The following STX3 variants were observed in gnomAD, a reference collection of about 807,000 sequenced individuals.
The protein encoded by STX3 is syntaxin-3.
Under a neutral mutation model 40.2 loss-of-function variants are expected in STX3, and 19 were observed. The observed-to-expected ratio is 0.47, with a 90% CI of 0.33 to 0.69. STX3 has a LOEUF of 0.69. Ranked by LOEUF, STX3 falls within the 30% of genes least tolerant of loss-of-function variation. The probability of loss-of-function intolerance (pLI) is 0.02; values close to 1 mark genes in which losing one functional copy is unlikely to be tolerated. For missense variants in STX3, 364 were observed against 366.7 expected, an observed-to-expected ratio of 0.99 and a Z score of 0.06; for synonymous variants, 122 against 132.2, an observed-to-expected ratio of 0.92 and a Z score of 0.53.
chr11:59,802,163 A>G lies in STX3; in HGVS notation c.*1339A>G. 1.0e-6 allele frequency: 1 copy of G among 985,464 alleles called. No individual in the cohort carries two copies. Among genetic ancestry groups the G allele is most frequent in the Non-Finnish European group, 1.2e-6 (1 of 829,956 alleles). 61.0% of individuals were successfully genotyped at this position (985,464 alleles called of 1,614,324 possible). ...AGTCAGTTGGGGAACACCAGAGGCTACACAGTAGCTCTTCCTGCTACTCGG... is the reference window on the plus strand; with the variant it reads ...AGTCAGTTGGGGAACACCAGAGGCTGCACAGTAGCTCTTCCTGCTACTCGG... On this transcript the variant is annotated 3_prime_UTR_variant, in exon 11 of 11. Transcript: ENST00000337979.
chr11:59,770,301 G>T (rs939267947), intron 1 of STX3, among the ~76,000 whole-genome samples: 2 of 149,550 alleles, frequency 1.3e-5, no homozygotes, highest in Non-Finnish European at 3.0e-5. Flanking sequence ...ATGTGTGTAG[G>T]GTGTGTGTTT....
chr11:59,771,400 A>ACCCCCCCCCCCCCCCCCC (rs1565168425), intron 1 of STX3, among the ~76,000 whole-genome samples: 1 of 42,214 alleles, frequency 2.4e-5, no homozygotes, highest in Non-Finnish European at 4.6e-5. Flanking sequence ...CCGTCCCCCC[A>ACCCCCCCCCCCCCCCCCC]CCTCCCCCCC....
At chr11:59,785,712 G>T (rs1864717381) in intron 2 of STX3, among the ~76,000 whole-genome samples, 2 of 152,214 alleles carry the variant, frequency 1.3e-5, no homozygotes, top group Admixed American at 6.5e-5. Flanking sequence ...AGGGATGCTG[G>T]AAGCTGCATA....
chr11:59,793,372 T>G lies in STX3; in HGVS notation c.541-8T>G, dbSNP rs1865321025. 6.2e-7 allele frequency: 1 copy of G among 1,612,604 alleles called. No individual in the cohort carries two copies. The highest frequency in any genetic ancestry group is 1.1e-5 in the South Asian group (1 of 91,004). ...GGTAGCTAACAGTCTGTGTGTGGCC[T>G]GTTGTAGATCATTGACTCACAGATT... On this transcript the variant is annotated splice_polypyrimidine_tract_variant and splice_region_variant and intron_variant, in intron 7 of 10. Coordinates refer to ENST00000337979, the MANE Select transcript of STX3 (RefSeq NM_004177.5).
intron 1 of STX3, among the ~76,000 whole-genome samples, chr11:59,759,861 A>G (rs1283332148): frequency 6.6e-6 from 1 of 152,218 alleles, no homozygotes; most frequent in Non-Finnish European, 1.5e-5. Flanking sequence ...CTTCTCCTTT[A>G]AAGCTTAATT....
At chr11:59,791,978 C>T in intron 5 of STX3, 129 bp from the exon 6 acceptor site, 1 of 759,136 alleles carries the variant, frequency 1.3e-6, no homozygotes. Context: ...AAACAAAAAA[C>T]TTGGTTTGAC....
At position 59,755,625 on chromosome 11, in the gene STX3, A is replaced by C; in HGVS notation, c.20A>C (p.Gln7Pro). The C allele has an allele frequency of 5.0e-6, 8 of 1,594,734 alleles. No individual in the cohort carries two copies. The highest frequency in any genetic ancestry group is 6.8e-6 in the Non-Finnish European group (8 of 1,176,484). ...TTCAGGATGAAGGACCGTCTGGAGCAGCTGAAGGCCGTGAGTTTCGCCGCA... is the reference window on the plus strand; with the variant it reads ...TTCAGGATGAAGGACCGTCTGGAGCCGCTGAAGGCCGTGAGTTTCGCCGCA... MKDRLE[Q>P]LKAKQLTQDD... Residue 7 changes from glutamine (Q) to proline (P), a missense_variant, in exon 1 of 11, where the codon CAG becomes CCG. Gln to Pro is a moderately conservative substitution (Grantham distance 76). Transcript: ENST00000337979.
upstream of STX3, chr11:59,755,109 G>A (rs968128665): frequency 6.5e-6 from 1 of 153,256 alleles, no homozygotes; most frequent in East Asian, 1.9e-4. Flanking sequence ...TCCTAGCGAG[G>A]AGCCCGGCAC....
At position 59,773,252 on chromosome 11, in the gene STX3, T is replaced by A. The variant is rs772028667; in HGVS notation, c.72T>A (p.Ile24=). ...ATGATGATACTGATGCGGTTGAGAT[T>A]GCTATCGACAACACGGCTTTTATGG... The part of the protein sequence containing the change: ...TQDDDTDAVE[I]AIDNTAFMDE... Residue 24 remains isoleucine, a synonymous_variant, in exon 2 of 11, where the codon ATT becomes ATA. Transcript: ENST00000337979. 1.2e-6 allele frequency: 2 copies of A among 1,614,194 alleles called. No homozygotes were observed. The highest frequency in any genetic ancestry group is 1.7e-6 in the Non-Finnish European group (2 of 1,180,024).
At chr11:59,762,090 G>A (rs1345450630) in intron 1 of STX3, among the ~76,000 whole-genome samples, 3 of 152,152 alleles carry the variant, frequency 2.0e-5, no homozygotes, top group South Asian at 2.1e-4. Flanking sequence ...CATTGCATTC[G>A]GTTGTCACAT....
At chr11:59,794,612 G>A (rs1051936602) in intron 8 of STX3, among the ~76,000 whole-genome samples, 2 of 152,202 alleles carry the variant, frequency 1.3e-5, no homozygotes, top group African/African-American at 2.4e-5. Context: ...TCAAGTGGTG[G>A]TAAGTGCCTT....
rs1241643494 is a variant in STX3, at chr11:59,792,955, TA to T, written c.467-142del. 8.3e-6 allele frequency: 6 copies of T among 722,866 alleles called. No individual in the cohort carries two copies. In the Admixed American group the frequency reaches 1.1e-4, roughly 14 times the overall value. The allele number at this position is 722,866 out of a possible 1,614,324, so 44.8% of individuals were successfully genotyped here. A position where few individuals can be genotyped will look rare whatever the true frequency, so the allele number is the denominator to read the frequency against. On this transcript the variant is annotated intron_variant, in intron 6 of 10. Coordinates refer to ENST00000337979, the MANE Select transcript of STX3 (RefSeq NM_004177.5). Reference sequence around the variant, plus strand: ...AGGATGGCTTGGATTAGGGCAGAAATAAGATGAGTCAGGAGGCAATTGGGGG... The same window carrying T: ...AGGATGGCTTGGATTAGGGCAGAAATAGATGAGTCAGGAGGCAATTGGGGG...
At position 59,800,937 on chromosome 11, in the gene STX3, G is replaced by GCGACC. The variant is rs1865857635; in HGVS notation, c.*116_*120dup. On this transcript the variant is annotated 3_prime_UTR_variant, in exon 11 of 11. Coordinates refer to ENST00000337979, the MANE Select transcript of STX3 (RefSeq NM_004177.5). ...CTGAATGGCCTTCCTGAGAGCGAGT[G>GCGACC]CGACCCGTTCCTTTGTTTCCTTGCA... 2.0e-6 allele frequency: 3 copies of GCGACC among 1,536,174 alleles called. No individual in the cohort carries two copies. Among genetic ancestry groups the GCGACC allele is most frequent in the Non-Finnish European group, 1.7e-6 (2 of 1,146,852 alleles).
intron 10 of STX3, among the ~76,000 whole-genome samples, chr11:59,798,920 T>G (rs1257722448): frequency 2.7e-5 from 4 of 149,382 alleles, no homozygotes; most frequent in Non-Finnish European, 5.9e-5. Context: ...GATTGTGTGT[T>G]GCTCTGTCGC....
intron 1 of STX3, among the ~76,000 whole-genome samples, chr11:59,757,414 C>T (rs1389764007): frequency 2.0e-5 from 3 of 152,214 alleles, no homozygotes; most frequent in Non-Finnish European, 2.9e-5. Flanking sequence ...TGGCCCCTTT[C>T]AGTAGCTCAT....
At chr11:59,793,807 A>ATT (rs67072921) in intron 8 of STX3, among the ~76,000 whole-genome samples, 1 of 134,414 alleles carries the variant, frequency 7.4e-6, no homozygotes. Context: ...TGGATTTTTG[A>ATT]TTTTTTTTTT....
In STX3 at chr11:59,755,636, G is replaced by T. The variant is rs1394703998; in HGVS notation, c.30+1G>T. The stretch of plus-strand genomic sequence containing the variant: ...GGACCGTCTGGAGCAGCTGAAGGCC[G>T]TGAGTTTCGCCGCAGGCGGGGTGCT... On this transcript the variant is annotated splice_donor_variant, in intron 1 of 10. Coordinates refer to ENST00000337979, the MANE Select transcript of STX3 (RefSeq NM_004177.5). LOFTEE classifies it high-confidence loss of function. 102 of 1,592,712 alleles carry T rather than the reference G, an allele frequency of 6.4e-5. 1 individual carries two copies. Among genetic ancestry groups the T allele is most frequent in the Middle Eastern group, 1.7e-4 (1 of 6,018 alleles).
At chr11:59,779,834 A>G (rs1267298913) in intron 2 of STX3, among the ~76,000 whole-genome samples, 2 of 152,208 alleles carry the variant, frequency 1.3e-5, no homozygotes, top group African/African-American at 2.4e-5. Context: ...CTTGAAGCAT[A>G]TGGATTTGCT....
rs143178299 is a variant in STX3 at position 59,802,186 on chromosome 11, C to T, written c.*1362C>T. 47 of 985,426 alleles carry T rather than the reference C, an allele frequency of 4.8e-5. No individual in the cohort carries two copies. In the East Asian group the frequency reaches 4.6e-3, roughly 97 times the overall value. 61.0% of individuals were successfully genotyped at this position (985,426 alleles called of 1,614,324 possible). On this transcript the variant is annotated 3_prime_UTR_variant, in exon 11 of 11. Transcript: ENST00000337979. ...CTACACAGTAGCTCTTCCTGCTACTCGGTTAATGAGCTTGGCAGGTTCTTT... is the reference window on the plus strand; with the variant it reads ...CTACACAGTAGCTCTTCCTGCTACTTGGTTAATGAGCTTGGCAGGTTCTTT...
Sources: allele counts gnomAD v4.1 joint callset (sites outside exome capture counted in the v4.1 genomes callset), GRCh38; gene constraint gnomAD v4.1.1; transcripts MANE v1.5; gene names NCBI Gene and HGNC (gene_info 2026-07-23, HGNC 2026-07-21).